DCC: variants seen among roughly 807,000 people sequenced by gnomAD.
DCC encodes netrin receptor DCC.
A neutral mutation model predicts 172.5 loss-of-function variants in DCC; 58 were observed. The observed-to-expected ratio is 0.34, with a 90% confidence interval of 0.27 to 0.42. The LOEUF is 0.42. DCC is among the 10% of genes least tolerant of loss of function. DCC has a pLI of 1.00. For missense variants in DCC, 1,740 were observed against 1,791.0 expected (o/e 0.97, Z 0.51); for synonymous variants, 709 against 644.5 (o/e 1.10, Z -1.52).
chr18:52,760,354 C>T (rs531961204), intron 2 of DCC, among the ~76,000 whole-genome samples: 1 of 152,218 alleles, frequency 6.6e-6, no homozygotes, highest in South Asian at 2.1e-4. Flanking sequence ...GAGGTCCCTC[C>T]CACAACACGT....
chr18:53,311,168 C>T (rs1214854525), intron 13 of DCC, among the ~76,000 whole-genome samples: 2 of 151,676 alleles, frequency 1.3e-5, no homozygotes, highest in African/African-American at 2.4e-5. Flanking sequence ...ATTGCCCAGA[C>T]TGGAGTGCAA....
rs145171164 is a variant in DCC, at chr18:52,845,620, A to C, written c.413-60424A>C. On this transcript the variant is annotated intron_variant, in intron 2 of 28. Transcript: ENST00000442544. ...GGCCTCAGGGATCATGCCCAAGTTC[A>C]AGGTACCATGTAAAAGATTGCTCCT... Among the ~76,000 whole-genome samples, 861 of 152,330 alleles carry C rather than the reference A, an allele frequency of 5.7e-3. 6 individuals are homozygous for C. Among genetic ancestry groups the C allele is most frequent in the African/African-American group, 0.02 (831 of 41,580 alleles).
intron 2 of DCC, among the ~76,000 whole-genome samples, chr18:52,794,734 T>C (rs191697281): frequency 4.8e-4 from 73 of 152,212 alleles, no homozygotes; most frequent in African/African-American, 1.7e-3. Context: ...GGCTTTCAAC[T>C]TTTTTTCCAT....
chr18:52,556,323 G>T (rs2603713), intron 1 of DCC, among the ~76,000 whole-genome samples: 1 of 152,010 alleles, frequency 6.6e-6, no homozygotes, highest in African/African-American at 2.4e-5. Flanking sequence ...GTTTGTACTA[G>T]AACCCATTAT....
At chr18:52,910,745 A>G (rs2039960124) in intron 3 of DCC, among the ~76,000 whole-genome samples, 1 of 152,166 alleles carries the variant, frequency 6.6e-6, no homozygotes, top group African/African-American at 2.4e-5. Flanking sequence ...CTAATGGCCT[A>G]ATTGAATTGA....
intron 1 of DCC, among the ~76,000 whole-genome samples, chr18:52,380,704 C>A (rs1029632055): frequency 6.6e-6 from 1 of 152,072 alleles, no homozygotes; most frequent in Non-Finnish European, 1.5e-5. Flanking sequence ...GATGTTGAGT[C>A]ATGCAAAACA....
chr18:52,390,679 C>G (rs1014937332), intron 1 of DCC, among the ~76,000 whole-genome samples: 1 of 152,024 alleles, frequency 6.6e-6, no homozygotes, highest in Admixed American at 6.6e-5. Context: ...CTCATGGTCT[C>G]TTAGGATGAA....
At chr18:53,213,392 G>A (rs931604816) in intron 11 of DCC, among the ~76,000 whole-genome samples, 3 of 151,956 alleles carry the variant, frequency 2.0e-5, no homozygotes, top group Admixed American at 6.6e-5. Flanking sequence ...GCTCACTCCT[G>A]TAATCCCAGC....
chr18:53,415,402 A>G (rs549436074), intron 20 of DCC, among the ~76,000 whole-genome samples: 1 of 152,272 alleles, frequency 6.6e-6, no homozygotes, highest in Non-Finnish European at 1.5e-5. Flanking sequence ...GAAGCTTATG[A>G]AGATCTGCCT....
intron 12 of DCC, among the ~76,000 whole-genome samples, chr18:53,248,833 C>T (rs1325273577): frequency 6.6e-6 from 1 of 152,004 alleles, no homozygotes; most frequent in Non-Finnish European, 1.5e-5. Context: ...TATTCTTTCT[C>T]GTCAGTACAT....
chr18:53,010,474 G>A (rs531819518), intron 5 of DCC, among the ~76,000 whole-genome samples: 1 of 151,410 alleles, frequency 6.6e-6, no homozygotes, highest in Non-Finnish European at 1.5e-5. Context: ...CTATTAAATA[G>A]AATTACTCTA....
intron 2 of DCC, among the ~76,000 whole-genome samples, chr18:52,825,900 T>C (rs938979881): frequency 1.3e-5 from 2 of 152,222 alleles, no homozygotes; most frequent in African/African-American, 4.8e-5. Context: ...TAAACTGTGA[T>C]GACTTATAGT....
At chr18:52,382,968 T>A (rs1372594233) in intron 1 of DCC, among the ~76,000 whole-genome samples, 1 of 152,128 alleles carries the variant, frequency 6.6e-6, no homozygotes, top group Non-Finnish European at 1.5e-5. Flanking sequence ...TATGCACAAA[T>A]AAAATTTAGA....
At chr18:53,117,157 A>C (rs1402572876) in intron 7 of DCC, among the ~76,000 whole-genome samples, 1 of 151,702 alleles carries the variant, frequency 6.6e-6, no homozygotes, top group Non-Finnish European at 1.5e-5. Flanking sequence ...CTTTATTAAA[A>C]TTTGCTTATG....
At chr18:53,281,881 A>C (rs1021479279) in intron 12 of DCC, among the ~76,000 whole-genome samples, 1 of 151,976 alleles carries the variant, frequency 6.6e-6, no homozygotes, top group African/African-American at 2.4e-5. Flanking sequence ...TTACACAAAG[A>C]TAGAATTATA....
At chr18:52,843,390 T>C (rs1257884462) in intron 2 of DCC, among the ~76,000 whole-genome samples, 1 of 152,134 alleles carries the variant, frequency 6.6e-6, no homozygotes, top group Non-Finnish European at 1.5e-5. Flanking sequence ...AAGCAGAACC[T>C]GGTGAAAGCT....
intron 1 of DCC, among the ~76,000 whole-genome samples, chr18:52,504,132 G>T (rs1325853508): frequency 6.6e-6 from 1 of 152,120 alleles, no homozygotes; most frequent in African/African-American, 2.4e-5. Flanking sequence ...GTTCAAAGAG[G>T]ATGCGTTGGG....
intron 7 of DCC, among the ~76,000 whole-genome samples, chr18:53,115,654 A>G (rs1330703944): frequency 2.6e-5 from 4 of 151,558 alleles, no homozygotes; most frequent in Non-Finnish European, 5.9e-5. Flanking sequence ...CAAACAGTTT[A>G]CCTAACTGTT....
chr18:53,351,418 C>CAGTGTATATATATATAT (rs1404641165), intron 15 of DCC, among the ~76,000 whole-genome samples: 8,478 of 19,000 alleles, frequency 0.45, 2,770 homozygotes, highest in East Asian at 0.76. Flanking sequence ...TATATATATA[C>CAGTGTATATATATATAT]ACACTGTGTA....
Sources: gnomAD v4.1 joint callset for allele counts (sites outside exome capture counted in the v4.1 genomes callset) on GRCh38, gnomAD v4.1.1 for gene constraint, MANE v1.5 for transcripts, NCBI Gene and HGNC (gene_info 2026-07-23, HGNC 2026-07-21) for gene names.